The following ABCC4 variants were observed in gnomAD, a reference collection of about 807,000 sequenced individuals.
ABCC4 encodes the protein ATP-binding cassette sub-family C member 4.
Under a neutral mutation model 168.5 loss-of-function variants are expected in ABCC4, and 102 were observed. That is an observed-to-expected ratio of 0.61 (90% CI 0.52 to 0.71). ABCC4 has a LOEUF of 0.71. ABCC4 is among the 30% of genes least tolerant of loss of function. The pLI is 0.00. For synonymous variants in ABCC4, 617 were observed against 590.7 expected, an observed-to-expected ratio of 1.04 and a Z score of -0.65; for missense variants, 1,402 against 1,605.8, an observed-to-expected ratio of 0.87 and a Z score of 2.17.
intron 29 of ABCC4, among the ~76,000 whole-genome samples, chr13:95,036,368 T>C (rs545706505): frequency 6.6e-6 from 1 of 152,298 alleles, no homozygotes; most frequent in African/African-American, 2.4e-5. Flanking sequence ...CTACTACTAT[T>C]TGGTCCTTGT....
intron 30 of ABCC4, among the ~76,000 whole-genome samples, chr13:95,023,348 C>G (rs2031206691): frequency 6.6e-6 from 1 of 152,140 alleles, no homozygotes; most frequent in Admixed American, 6.5e-5. Flanking sequence ...CTTTCTTTTT[C>G]TCTTCTGCTA....
chr13:95,293,102 AT>A (rs928770486), intron 1 of ABCC4, among the ~76,000 whole-genome samples: 12 of 151,932 alleles, frequency 7.9e-5, no homozygotes, highest in African/African-American at 2.7e-4. Context: ...GCCAGGAACG[AT>A]TTCCCACCTT....
At chr13:95,078,936 T>A (rs4148532) in intron 21 of ABCC4, among the ~76,000 whole-genome samples, 24,251 of 152,208 alleles carry the variant, frequency 0.16, 2,359 homozygotes, top group East Asian at 0.26. Flanking sequence ...TATCTCCAAC[T>A]GGGTTTCAGG....
intron 1 of ABCC4, among the ~76,000 whole-genome samples, chr13:95,279,605 G>A (rs542863857): frequency 2.3e-4 from 35 of 152,296 alleles, no homozygotes; most frequent in African/African-American, 8.2e-4. Flanking sequence ...GGAGCAGAGA[G>A]GAAGATGGAG....
In ABCC4 at chr13:95,021,608, G is replaced by A; in HGVS notation, c.3945C>T (p.Pro1315=). 1 of 1,613,028 alleles carries A rather than the reference G, an allele frequency of 6.2e-7. No homozygotes were observed. The highest frequency in any genetic ancestry group is 8.5e-7 in the Non-Finnish European group (1 of 1,179,084). Residue 1315 remains proline (P), a synonymous_variant, in exon 31 of 31, where the codon CCC becomes CCT. Transcript: ENST00000645237. ...CTGTCTCGAAAATAGTTAAGGTCGAGGGCTGTCCATTGGAAGTGTTTGTAA... is the reference window on the plus strand; with the variant it reads ...CTGTCTCGAAAATAGTTAAGGTCGAAGGCTGTCCATTGGAAGTGTTTGTAA... ...HMVTNTSNGQ[P]STLTIFETAL is the part of the protein sequence containing the mutation.
intron 1 of ABCC4, among the ~76,000 whole-genome samples, chr13:95,299,552 A>AT (rs927681220): frequency 2.3e-4 from 35 of 150,592 alleles, no homozygotes; most frequent in South Asian, 1.1e-3. Context: ...AAAACATCAG[A>AT]TTTTTTTTTG....
At chr13:95,063,809 T>C (rs1385478582) in intron 25 of ABCC4, among the ~76,000 whole-genome samples, 1 of 152,182 alleles carries the variant, frequency 6.6e-6, no homozygotes, top group Non-Finnish European at 1.5e-5. Flanking sequence ...TGTGTGCATA[T>C]AAATCTGTAT....
chr13:95,064,491 A>G (rs997749673), intron 25 of ABCC4, among the ~76,000 whole-genome samples: 1 of 116,454 alleles, frequency 8.6e-6, no homozygotes, highest in Non-Finnish European at 1.8e-5. Context: ...ACACATACAC[A>G]CACACACACG....
chr13:95,248,999 C>A lies in ABCC4; in HGVS notation c.75-1246G>T, dbSNP rs186376982. Among the ~76,000 whole-genome samples the A allele has an allele frequency of 1.3e-3, 203 of 152,214 alleles. 3 individuals are homozygous for A. The South Asian group carries it at 0.036, about 27-fold the overall frequency. ...AGGTTGCAGTGAGCTGAGATCGATG[C>A]CACTGCACTCCAGTCTGGGCAACAG... On this transcript the variant is annotated intron_variant, in intron 1 of 30. Transcript: ENST00000645237.
At chr13:95,029,209 T>G (rs13313299) in intron 30 of ABCC4, among the ~76,000 whole-genome samples, 9 of 49,430 alleles carry the variant, frequency 1.8e-4, no homozygotes, top group South Asian at 8.3e-4. Flanking sequence ...TATATATATA[T>G]ATATAGAGAG....
intron 20 of ABCC4, among the ~76,000 whole-genome samples, chr13:95,083,884 T>G (rs115423990): frequency 0.026 from 3,944 of 152,072 alleles, 152 homozygotes; most frequent in African/African-American, 0.088. Flanking sequence ...CTTTCCCTAT[T>G]TAATGGATGA....
intron 1 of ABCC4, among the ~76,000 whole-genome samples, chr13:95,272,008 T>C (rs1440990361): frequency 2.0e-5 from 3 of 152,170 alleles, no homozygotes; most frequent in African/African-American, 7.2e-5. Flanking sequence ...CTGAGATAAC[T>C]TCCTCAGAGG....
intron 20 of ABCC4, among the ~76,000 whole-genome samples, chr13:95,111,008 A>G (rs1177324876): frequency 6.6e-6 from 1 of 151,650 alleles, no homozygotes; most frequent in Non-Finnish European, 1.5e-5. Context: ...AAAACCACAG[A>G]AAAAAAGGAA....
At chr13:95,163,558 GTCT>G (rs2037167484) in intron 17 of ABCC4, 49 bp downstream of exon 17, 5 of 1,486,342 alleles carry the variant, frequency 3.4e-6, no homozygotes, top group African/African-American at 1.4e-5. Flanking sequence ...GGAAAAGCGA[GTCT>G]TCTTACTGAT....
At chr13:95,248,160 G>A (rs1448670068) in intron 1 of ABCC4, among the ~76,000 whole-genome samples, 4 of 152,220 alleles carry the variant, frequency 2.6e-5, no homozygotes, top group Non-Finnish European at 2.9e-5. Flanking sequence ...TGGGCCCAAA[G>A]AACAGAGGAC....
In ABCC4 at chr13:95,161,305, A is replaced by G; in HGVS notation, c.2339T>C (p.Ile780Thr). 1 of 1,596,862 alleles carries G rather than the reference A, an allele frequency of 6.3e-7. No individual in the cohort carries two copies. The highest frequency in any genetic ancestry group is 2.3e-5 in the East Asian group (1 of 44,196). ...GTAGAATACCAATAGAGATCTTGCT[A>G]TGCCAAAAAGAACGGTAGCTACAGT... ...GLTVATVLFG[I>T]ARSLLVFYVL... Residue 780 changes from isoleucine to threonine, a missense_variant, in exon 19 of 31, where the codon ATA becomes ACA. Ile to Thr is a moderately conservative substitution (Grantham distance 89). Around this residue, in one of 3 missense-constraint regions of ABCC4, gnomAD observed 1,007 missense variants for 1,127.3 expected, o/e 0.89. Coordinates refer to ENST00000645237, the MANE Select transcript of ABCC4 (RefSeq NM_005845.5).
chr13:95,188,511 G>C lies in ABCC4; in HGVS notation c.1295C>G (p.Ser432Cys). Residue 432 changes from serine to cysteine, a missense_variant, in exon 10 of 31, where the codon TCC (serine) becomes TGC (cysteine). Around this residue, in one of 3 missense-constraint regions of ABCC4, gnomAD observed 1,007 missense variants for 1,127.3 expected, o/e 0.89. Coordinates refer to ENST00000645237, the MANE Select transcript of ABCC4 (RefSeq NM_005845.5). ...ASETPTLQGL[S>C]FTVRPGELLA... is the part of the protein sequence containing the mutation. ...CAATTCGCCAGGTCTGACAGTAAAGGAAAGGCCTTGTAGAGTTGGGGTCTC... is the reference window on the plus strand; with the variant it reads ...CAATTCGCCAGGTCTGACAGTAAAGCAAAGGCCTTGTAGAGTTGGGGTCTC... 6.2e-7 allele frequency: 1 copy of C among 1,614,086 alleles called. No individual in the cohort carries two copies. The highest frequency in any genetic ancestry group is 1.1e-5 in the South Asian group (1 of 91,074).
At chr13:95,132,707 T>C (rs1294686080) in intron 19 of ABCC4, among the ~76,000 whole-genome samples, 3 of 152,190 alleles carry the variant, frequency 2.0e-5, no homozygotes, top group Non-Finnish European at 2.9e-5. Context: ...GCTGACTGTA[T>C]ATACACACCA....
At chr13:95,228,814 C>G (rs1025721478) in intron 4 of ABCC4, among the ~76,000 whole-genome samples, 3 of 149,744 alleles carry the variant, frequency 2.0e-5, no homozygotes, top group Non-Finnish European at 4.4e-5. Context: ...AATCCTGGTA[C>G]TTTGGGAGGC....
Sources: gnomAD v4.1 joint callset for allele counts (sites outside exome capture counted in the v4.1 genomes callset) on GRCh38, gnomAD v4.1.1 for gene constraint, gnomAD v4.1.1 regional missense constraint, MANE v1.5 for transcripts, NCBI Gene and HGNC (gene_info 2026-07-23, HGNC 2026-07-21) for gene names.